Variants in BACH2 observed in about 807,000 individuals in gnomAD.
The protein encoded by BACH2 is BACH transcriptional regulator 2, also known as transcription regulator protein BACH2.
Under a neutral mutation model 61.8 loss-of-function variants are expected in BACH2, and 5 were observed. That is an observed-to-expected ratio of 0.08 (90% CI 0.04 to 0.17). BACH2 has a LOEUF of 0.17. BACH2 is among the 10% of genes least tolerant of loss of function. The pLI, the probability that BACH2 is intolerant of heterozygous loss-of-function variation, is 1.00. For missense variants in BACH2, 824 were observed against 1,091.1 expected (o/e 0.76, Z 3.45); for synonymous variants, 446 against 440.1 (o/e 1.01, Z -0.17).
At chr6:89,982,239 C>T (rs1775996135) in intron 6 of BACH2, among the ~76,000 whole-genome samples, 1 of 152,068 alleles carries the variant, frequency 6.6e-6, no homozygotes, top group African/African-American at 2.4e-5. Flanking sequence ...GGGCCTGAGG[C>T]AGGTGGTAAA....
At chr6:90,172,751 A>G (rs1441965146) in intron 4 of BACH2, among the ~76,000 whole-genome samples, 1 of 152,212 alleles carries the variant, frequency 6.6e-6, no homozygotes, top group East Asian at 1.9e-4. Context: ...CTTCTAAAGG[A>G]CATGCTTCAG....
chr6:90,151,151 G>A (rs1784797040), intron 4 of BACH2, among the ~76,000 whole-genome samples: 1 of 152,206 alleles, frequency 6.6e-6, no homozygotes, highest in East Asian at 1.9e-4. Flanking sequence ...GTTTGGAACA[G>A]TTTTATAACC....
intron 4 of BACH2, among the ~76,000 whole-genome samples, chr6:90,111,666 C>T (rs763958280): frequency 4.6e-5 from 7 of 152,238 alleles, no homozygotes; most frequent in Non-Finnish European, 1.0e-4. Context: ...TGCCCATACA[C>T]ATCTTCCTAT....
At chr6:90,016,014 C>G (rs1778040602) in intron 5 of BACH2, among the ~76,000 whole-genome samples, 1 of 152,060 alleles carries the variant, frequency 6.6e-6, no homozygotes, top group South Asian at 2.1e-4. Context: ...ACTATGAAGT[C>G]ACCTTTTAAT....
intron 8 of BACH2, among the ~76,000 whole-genome samples, chr6:89,935,381 G>A (rs1772958055): frequency 6.6e-6 from 1 of 152,190 alleles, no homozygotes; most frequent in Admixed American, 6.5e-5. Context: ...AGGAACCCCA[G>A]GATCATTCTG....
intron 3 of BACH2, among the ~76,000 whole-genome samples, chr6:90,228,683 G>A (rs1450662502): frequency 6.6e-6 from 1 of 152,220 alleles, no homozygotes; most frequent in African/African-American, 2.4e-5. Context: ...AGGGGGCAGT[G>A]AGCCGAGATG....
chr6:90,164,711 C>T (rs1767545062), intron 4 of BACH2, among the ~76,000 whole-genome samples: 1 of 152,106 alleles, frequency 6.6e-6, no homozygotes, highest in African/African-American at 2.4e-5. Context: ...AAAGCTTATC[C>T]ACCATGATCA....
At chr6:90,213,978 TAAG>T (rs1769442699) in intron 3 of BACH2, among the ~76,000 whole-genome samples, 1 of 152,216 alleles carries the variant, frequency 6.6e-6, no homozygotes. Flanking sequence ...AGTTTTTTCT[TAAG>T]AAGCATGGCA....
intron 4 of BACH2, among the ~76,000 whole-genome samples, chr6:90,093,936 G>A (rs530954104): frequency 5.3e-5 from 8 of 152,236 alleles, no homozygotes; most frequent in South Asian, 2.1e-4. Flanking sequence ...TCATTTCTTC[G>A]TATTTACTGT....
rs1782049938 is a variant in BACH2 at position 90,089,086 on chromosome 6, T to G, written c.-138A>C. The G allele has an allele frequency of 6.6e-6, 1 of 152,284 alleles. No individual in the cohort carries two copies. The highest frequency in any genetic ancestry group is 1.5e-5 in the Non-Finnish European group (1 of 68,060). 9.4% of individuals were successfully genotyped at this position (152,284 alleles called of 1,614,324 possible). ...ACCCCAAAGTTTTGTGGGGCAACCT[T>G]GTGACAGGTCAGTGAGTGTCCACCT... On this transcript the variant is annotated 5_prime_UTR_variant, in exon 5 of 9. Transcript: ENST00000257749.
At chr6:90,239,327 G>A (rs1770358856) in intron 3 of BACH2, among the ~76,000 whole-genome samples, 1 of 152,158 alleles carries the variant, frequency 6.6e-6, no homozygotes, top group Non-Finnish European at 1.5e-5. Flanking sequence ...AATGAATTCA[G>A]CAACAATCTT....
intron 5 of BACH2, among the ~76,000 whole-genome samples, chr6:90,045,585 T>G (rs947080130): frequency 1.3e-5 from 2 of 152,182 alleles, no homozygotes; most frequent in Non-Finnish European, 2.9e-5. Context: ...CCGAGATAAG[T>G]TGCATTGAAT....
chr6:89,999,112 C>A (rs193057367), intron 6 of BACH2, among the ~76,000 whole-genome samples: 1 of 152,140 alleles, frequency 6.6e-6, no homozygotes, highest in Non-Finnish European at 1.5e-5. Context: ...AAAAACACAC[C>A]GTGCTTTCAC....
At chr6:90,126,750 T>C (rs1218149283) in intron 4 of BACH2, among the ~76,000 whole-genome samples, 3 of 152,214 alleles carry the variant, frequency 2.0e-5, no homozygotes, top group Non-Finnish European at 2.9e-5. Context: ...ATGTAGACCA[T>C]ACATTCTAGA....
intron 3 of BACH2, among the ~76,000 whole-genome samples, chr6:90,247,667 T>A (rs895758902): frequency 6.6e-6 from 1 of 152,180 alleles, no homozygotes; most frequent in African/African-American, 2.4e-5. Context: ...CCTACTTTTT[T>A]AGTCTAATTT....
chr6:90,177,376 A>G (rs1768015863), intron 4 of BACH2, among the ~76,000 whole-genome samples: 1 of 152,216 alleles, frequency 6.6e-6, no homozygotes, highest in Non-Finnish European at 1.5e-5. Flanking sequence ...CCTACCGTAC[A>G]GCAGATCCCA....
rs377197818 is a variant in BACH2 at position 90,128,654 on chromosome 6, T to C, written c.-161-39545A>G. 8.1e-4 allele frequency among the ~76,000 whole-genome samples: 124 copies of C among 152,288 alleles called. 1 individual carries two copies. The East Asian group carries it at 0.021, about 26-fold the overall frequency. The stretch of plus-strand genomic sequence containing the variant: ...TCAACCATTGTGGAAGTCAGTGTGG[T>C]GATTGCTCAGGGATCTAGAACTAGA... On this transcript the variant is annotated intron_variant, in intron 4 of 8. Transcript: ENST00000257749.
At chr6:90,127,302 T>C (rs1783893637) in intron 4 of BACH2, among the ~76,000 whole-genome samples, 1 of 152,170 alleles carries the variant, frequency 6.6e-6, no homozygotes, top group Non-Finnish European at 1.5e-5. Flanking sequence ...GCTGCAGGCA[T>C]GAGAAGACGT....
chr6:90,022,093 T>C (rs1778405022), intron 5 of BACH2, among the ~76,000 whole-genome samples: 3 of 152,240 alleles, frequency 2.0e-5, no homozygotes, highest in Non-Finnish European at 2.9e-5. Flanking sequence ...ACAATGGTTT[T>C]TACTGCACTG....
Sources: gnomAD v4.1 joint callset for allele counts (sites outside exome capture counted in the v4.1 genomes callset) on GRCh38, gnomAD v4.1.1 for gene constraint, MANE v1.5 for transcripts, NCBI Gene and HGNC (gene_info 2026-07-23, HGNC 2026-07-21) for gene names.